CDH4: variants seen among roughly 807,000 people sequenced by gnomAD.
The protein encoded by CDH4 is cadherin-4.
A neutral mutation model predicts 86.0 loss-of-function variants in CDH4; 33 were observed. The ratio of observed to expected loss-of-function variants is 0.38; its 90% CI spans 0.29 to 0.51. CDH4 has a LOEUF of 0.51. Ranked by LOEUF, CDH4 falls within the 20% of genes least tolerant of loss-of-function variation. CDH4 has a pLI of 0.86. For synonymous variants in CDH4, 555 were observed against 549.4 expected, an observed-to-expected ratio of 1.01 and a Z score of -0.14; for missense variants, 1,114 against 1,307.4, an observed-to-expected ratio of 0.85 and a Z score of 2.28.
chr20:61,309,970 C>G (rs2084436795), intron 2 of CDH4, among the ~76,000 whole-genome samples: 1 of 152,218 alleles, frequency 6.6e-6, no homozygotes, highest in African/African-American at 2.4e-5. Flanking sequence ...CCATTGCTCT[C>G]TCTGCTCCCC....
At chr20:61,837,011 T>C (rs1981915062) in intron 4 of CDH4, among the ~76,000 whole-genome samples, 1 of 152,150 alleles carries the variant, frequency 6.6e-6, no homozygotes, top group African/African-American at 2.4e-5. Flanking sequence ...CTGGCCAACA[T>C]AGTGAAACCC....
At chr20:61,261,013 A>C (rs897300992) in intron 2 of CDH4, among the ~76,000 whole-genome samples, 4 of 152,232 alleles carry the variant, frequency 2.6e-5, no homozygotes, top group Admixed American at 6.5e-5. Context: ...AAAGCGAGGC[A>C]GAACACTGCC....
chr20:61,618,811 T>C (rs2086746388), intron 2 of CDH4, among the ~76,000 whole-genome samples: 1 of 152,202 alleles, frequency 6.6e-6, no homozygotes, highest in Admixed American at 6.5e-5. Context: ...CTATGGCAAG[T>C]GGTGAATTCA....
At chr20:61,595,984 A>G (rs560027967) in intron 2 of CDH4, among the ~76,000 whole-genome samples, 1 of 152,312 alleles carries the variant, frequency 6.6e-6, no homozygotes, top group Admixed American at 6.5e-5. Flanking sequence ...TCAGCTGCAC[A>G]TTGCCCCTTG....
At chr20:61,253,375 G>A (rs1223216823) in intron 1 of CDH4, among the ~76,000 whole-genome samples, 1 of 152,004 alleles carries the variant, frequency 6.6e-6, no homozygotes, top group East Asian at 1.9e-4. Context: ...TGCGCGGCCC[G>A]CGGGGGCAGA....
At chr20:61,550,274 C>T (rs2086119784) in intron 2 of CDH4, among the ~76,000 whole-genome samples, 2 of 139,824 alleles carry the variant, frequency 1.4e-5, no homozygotes, top group Non-Finnish European at 3.1e-5. Context: ...GCCTCCCTAG[C>T]CTACCTCCCT....
intron 2 of CDH4, among the ~76,000 whole-genome samples, chr20:61,265,148 A>C (rs4812287): frequency 4.8e-5 from 7 of 144,534 alleles, no homozygotes; most frequent in African/African-American, 7.9e-5. Context: ...CCTACACATA[A>C]CTCAGTGGTT....
chr20:61,812,613 C>A (rs534098845), intron 4 of CDH4, among the ~76,000 whole-genome samples: 1 of 152,026 alleles, frequency 6.6e-6, no homozygotes, highest in African/African-American at 2.4e-5. Flanking sequence ...GAACACATTC[C>A]CTGCCCCTGG....
chr20:61,583,654 C>T (rs890674616), intron 2 of CDH4, among the ~76,000 whole-genome samples: 3 of 152,210 alleles, frequency 2.0e-5, no homozygotes, highest in African/African-American at 7.2e-5. Context: ...TCTCCACTTT[C>T]CTCGTTGACA....
At chr20:61,349,937 C>T (rs114489293) in intron 2 of CDH4, among the ~76,000 whole-genome samples, 2,407 of 152,242 alleles carry the variant, frequency 0.016, 49 homozygotes, top group African/African-American at 0.043. Flanking sequence ...GTGCCAGACT[C>T]AGCCCAGCGC....
At chr20:61,785,881 G>A (rs1159252534) in intron 4 of CDH4, among the ~76,000 whole-genome samples, 6 of 152,334 alleles carry the variant, frequency 3.9e-5, no homozygotes, top group South Asian at 4.1e-4. Flanking sequence ...GGGAGCGTGC[G>A]AGCGAGTGGA....
chr20:61,420,705 G>A (rs2085172753), intron 2 of CDH4, among the ~76,000 whole-genome samples: 1 of 152,286 alleles, frequency 6.6e-6, no homozygotes. Flanking sequence ...GAGTGAGCCA[G>A]GTGCCCATGC....
chr20:61,834,313 C>T (rs565738983), intron 4 of CDH4, among the ~76,000 whole-genome samples: 1 of 152,236 alleles, frequency 6.6e-6, no homozygotes, highest in Non-Finnish European at 1.5e-5. Context: ...GGCCTAGGAT[C>T]TGGGGCCTGG....
At chr20:61,283,984 A>G (rs143314726) in intron 2 of CDH4, among the ~76,000 whole-genome samples, 1 of 152,176 alleles carries the variant, frequency 6.6e-6, no homozygotes, top group East Asian at 1.9e-4. Context: ...CATTTACTCA[A>G]TTAGTGGAGA....
chr20:61,372,253 C>T (rs1431145945), intron 2 of CDH4, among the ~76,000 whole-genome samples: 6 of 152,218 alleles, frequency 3.9e-5, no homozygotes, highest in African/African-American at 1.4e-4. Flanking sequence ...GGAAGTCACA[C>T]AGAGGTGACC....
At position 61,902,331 on chromosome 20, in the gene CDH4, C is replaced by T. The variant is rs549418487; in HGVS notation, c.1188+7284C>T. On this transcript the variant is annotated intron_variant, in intron 8 of 15. Coordinates refer to ENST00000614565, the MANE Select transcript of CDH4 (RefSeq NM_001794.5). This position sits in a 1 kb window ranked among gnomAD's most constrained non-coding sequence, Gnocchi z 4.6. The stretch of plus-strand genomic sequence containing the variant: ...GGAGAAGCAGCCTCACTCTGCCCTT[C>T]ACCAGCCACGGAGACCCGGGGTCTA... Among the ~76,000 whole-genome samples, 115 of 152,380 alleles carry T rather than the reference C, an allele frequency of 7.5e-4. 1 individual carries two copies. The highest frequency in any genetic ancestry group is 2.6e-3 in the African/African-American group (109 of 41,594).
At chr20:61,781,562 A>G (rs1232881984) in intron 4 of CDH4, among the ~76,000 whole-genome samples, 21 of 152,236 alleles carry the variant, frequency 1.4e-4, no homozygotes, top group Non-Finnish European at 4.4e-5. Context: ...GCATTTGAAG[A>G]TGGATCAATA....
intron 2 of CDH4, among the ~76,000 whole-genome samples, chr20:61,736,515 C>T (rs949768161): frequency 2.0e-5 from 3 of 152,166 alleles, no homozygotes; most frequent in Non-Finnish European, 2.9e-5. Flanking sequence ...CTGCCCCACA[C>T]TCTCAGCTCC....
At position 61,894,983 on chromosome 20, in the gene CDH4, C is replaced by G. The variant is rs771237720; in HGVS notation, c.1124C>G (p.Thr375Arg). 14 of 1,613,926 alleles carry G rather than the reference C, an allele frequency of 8.7e-6. No individual in the cohort carries two copies. The highest frequency in any genetic ancestry group is 1.1e-5 in the Non-Finnish European group (13 of 1,180,002). ...EGNLNYGLSNTATAIITVTDV... is the reference protein window; with the variant it reads ...EGNLNYGLSNRATAIITVTDV... ...AATCTCAACTATGGCCTCTCAAACA[C>G]AGCCACAGCCATCATCACGGTGACA... Residue 375 changes from threonine to arginine, a missense_variant, in exon 8 of 16, where the codon ACA becomes AGA. By Grantham distance (71) the Thr-to-Arg change is moderately conservative (BLOSUM62 -1). Transcript: ENST00000614565.
Sources: gnomAD v4.1 joint callset for allele counts (sites outside exome capture counted in the v4.1 genomes callset) on GRCh38, gnomAD v4.1.1 for gene constraint, Gnocchi (gnomAD v3.1) non-coding constraint, MANE v1.5 for transcripts, NCBI Gene and HGNC (gene_info 2026-07-23, HGNC 2026-07-21) for gene names.